CFAP74: variants seen among roughly 807,000 people sequenced by gnomAD.
CFAP74 encodes cilia- and flagella-associated protein 74.
CFAP74 carries 124 observed loss-of-function variants against 188.9 expected under a neutral mutation model. The ratio of observed to expected loss-of-function variants is 0.66; its 90% CI spans 0.57 to 0.76. The LOEUF is 0.76. Ranked by LOEUF, CFAP74 falls within the 30% of genes least tolerant of loss-of-function variation. CFAP74 has a pLI of 0.00. For missense variants in CFAP74, 2,198 were observed against 2,165.2 expected (o/e 1.02, Z -0.30); for synonymous variants, 956 against 916.7 (o/e 1.04, Z -0.77).
chr1:1,971,814 T>A (rs1364796103), intron 9 of CFAP74, among the ~76,000 whole-genome samples, 166 bp downstream of exon 9: 6 of 152,214 alleles, frequency 3.9e-5, no homozygotes. Flanking sequence ...ACGGAACCCG[T>A]GGGCAAATCT....
chr1:1,943,042 G>A (rs1158666780), intron 21 of CFAP74, among the ~76,000 whole-genome samples: 9 of 152,148 alleles, frequency 5.9e-5, no homozygotes, highest in Non-Finnish European at 1.5e-5. Flanking sequence ...CATGGGAGGC[G>A]GGCGCCCGGG....
chr1:1,940,883 C>T lies in CFAP74; in HGVS notation c.2616-480G>A, dbSNP rs191405339. On this transcript the variant is annotated intron_variant, in intron 22 of 38. Transcript: ENST00000682832. ...ATCCCAGCACTTTGGGAGGCTGAGG[C>T]GCGCGGATCACGAGGTCAGGAGATG... 6.0e-4 allele frequency among the ~76,000 whole-genome samples: 91 copies of T among 152,266 alleles called. No individual in the cohort carries two copies. The East Asian group carries it at 0.015, about 25-fold the overall frequency.
At chr1:1,955,280 G>T in intron 18 of CFAP74, 1 of 1,295,112 alleles carries the variant, frequency 7.7e-7, no homozygotes. Flanking sequence ...GAGGCATGGG[G>T]AGGGCAGGGC....
intron 18 of CFAP74, among the ~76,000 whole-genome samples, chr1:1,949,740 T>C (rs151334018): frequency 6.6e-6 from 1 of 152,340 alleles, no homozygotes; most frequent in East Asian, 1.9e-4. Flanking sequence ...AATATTCTTT[T>C]TCTAGAATGT....
intron 25 of CFAP74, among the ~76,000 whole-genome samples, chr1:1,931,095 A>G (rs1652331279): frequency 6.6e-6 from 1 of 152,178 alleles, no homozygotes; most frequent in Non-Finnish European, 1.5e-5. Context: ...TCAAATGCGT[A>G]TTTTTATGTC....
chr1:2,002,548 T>C (rs990092264), intron 1 of CFAP74, among the ~76,000 whole-genome samples: 6 of 150,938 alleles, frequency 4.0e-5, no homozygotes, highest in Admixed American at 2.0e-4. Context: ...AGGCATGCTA[T>C]AATCCCAGCT....
intron 14 of CFAP74, 25 bp downstream of exon 14, chr1:1,963,724 C>T: frequency 1.3e-6 from 2 of 1,506,566 alleles, no homozygotes; most frequent in South Asian, 1.1e-5. Flanking sequence ...CACCGCGTCC[C>T]TCCCTGTCTG....
At position 1,971,349 on chromosome 1, in the gene CFAP74, A is replaced by G. The variant is rs986393325; in HGVS notation, c.889-533T>C. 4.0e-5 allele frequency among the ~76,000 whole-genome samples: 6 copies of G among 151,580 alleles called. 1 individual carries two copies. In the South Asian group the frequency reaches 1.2e-3, roughly 32 times the overall value. On this transcript the variant is annotated intron_variant, in intron 9 of 38. Coordinates refer to ENST00000682832, the MANE Select transcript of CFAP74 (RefSeq NM_001304360.2). ...TGCACACCTGCACACACGTGCACAC[A>G]CATGCACACCTGCACACACACGGTC...
rs767229491 is a variant in CFAP74 at position 1,923,736 on chromosome 1, G to C, written c.4389+39C>G. The C allele has an allele frequency of 6.2e-7, 1 of 1,612,646 alleles. No individual in the cohort carries two copies. The highest frequency in any genetic ancestry group is 1.3e-5 in the African/African-American group (1 of 75,006). On this transcript the variant is annotated intron_variant, in intron 35 of 38. Transcript: ENST00000682832. This position sits in a 1 kb window ranked among gnomAD's most constrained non-coding sequence, Gnocchi z 6.3. ...AAAGGCAAGGCCCTGCGTGGGGCCAGGGCCGGGCCGGGCTGAGCTTGCAGA... is the reference window on the plus strand; with the variant it reads ...AAAGGCAAGGCCCTGCGTGGGGCCACGGCCGGGCCGGGCTGAGCTTGCAGA...
At chr1:1,922,523 G>C in intron 38 of CFAP74, 66 bp downstream of exon 38, 2 of 1,585,684 alleles carry the variant, frequency 1.3e-6, no homozygotes, top group Non-Finnish European at 1.7e-6. Flanking sequence ...GACTGGGCAG[G>C]GGTGTCAGCC....
At chr1:1,982,096 A>C (rs1656923759) in intron 6 of CFAP74, among the ~76,000 whole-genome samples, 1 of 123,442 alleles carries the variant, frequency 8.1e-6, no homozygotes, top group African/African-American at 3.0e-5. Context: ...CACGCAGGAC[A>C]CCCAGCCACG....
Position 1,974,136 on chromosome 1 carries a change from CGGTCAGCTGTCCGGAAGGCCTCG to C in CFAP74, c.540_562del (p.Glu181Ter). 1 of 1,612,684 alleles carries C rather than the reference CGGTCAGCTGTCCGGAAGGCCTCG, an allele frequency of 6.2e-7. No individual in the cohort carries two copies. On this transcript the variant is annotated frameshift_variant, in exon 7 of 39. Transcript: ENST00000682832. LOFTEE classifies it high-confidence loss of function. ...CCGCCCCGTGGCCTCCACCTCCTCA[CGGTCAGCTGTCCGGAAGGCCTCG>C]AGTCGCCCCTCCTGGATCTCGATGT...
intron 1 of CFAP74, among the ~76,000 whole-genome samples, chr1:1,993,891 A>G (rs907308490): frequency 6.6e-6 from 1 of 151,202 alleles, no homozygotes; most frequent in South Asian, 2.1e-4. Flanking sequence ...CTGAGGCAGG[A>G]GAATGGCGTG....
chr1:1,938,909 G>A lies in CFAP74; in HGVS notation c.2957C>T (p.Pro986Leu). 6.5e-7 allele frequency: 1 copy of A among 1,536,196 alleles called. No homozygotes were observed. The highest frequency in any genetic ancestry group is 8.7e-7 in the Non-Finnish European group (1 of 1,146,914). ...ETLQFCVIFQPTKAEEHRFQL... is the reference protein window; with the variant it reads ...ETLQFCVIFQLTKAEEHRFQL... ...GAATCTGTGTTCCTCGGCCTTGGTG[G>A]GCTGGAAGATCACACAGAACTGCAG... The change falls in exon 25 of 39, where the codon CCC becomes CTC. Residue 986 changes from proline (P) to leucine (L), a missense_variant. Pro to Leu is a moderately conservative substitution (Grantham distance 98). Transcript: ENST00000682832.
chr1:1,986,009 G>C (rs936823861), intron 5 of CFAP74, among the ~76,000 whole-genome samples: 9 of 152,248 alleles, frequency 5.9e-5, no homozygotes, highest in Non-Finnish European at 8.8e-5. Context: ...GTGGACACGG[G>C]TGGTGGGCTT....
chr1:1,977,731 G>A (rs1656541635), intron 6 of CFAP74, among the ~76,000 whole-genome samples: 1 of 152,140 alleles, frequency 6.6e-6, no homozygotes. Context: ...CACAAACTCA[G>A]CTGATCGAGG....
chr1:1,949,448 C>T (rs2102055206), intron 18 of CFAP74, among the ~76,000 whole-genome samples: 1 of 152,216 alleles, frequency 6.6e-6, no homozygotes, highest in East Asian at 1.9e-4. Context: ...AGCCACTGTG[C>T]CCGGCCAACC....
At chr1:1,976,636 G>A (rs546856206) in intron 6 of CFAP74, among the ~76,000 whole-genome samples, 4 of 152,280 alleles carry the variant, frequency 2.6e-5, no homozygotes, top group East Asian at 3.9e-4. Flanking sequence ...TCCACCTCCC[G>A]GGTTCAAGCA....
chr1:1,941,364 G>A (rs1165188060), intron 22 of CFAP74, among the ~76,000 whole-genome samples: 1 of 152,236 alleles, frequency 6.6e-6, no homozygotes, highest in Non-Finnish European at 1.5e-5. Context: ...GCTCTGGGGG[G>A]CTGGGATCGG....
Sources: gnomAD v4.1 joint callset for allele counts (sites outside exome capture counted in the v4.1 genomes callset) on GRCh38, gnomAD v4.1.1 for gene constraint, Gnocchi (gnomAD v3.1) non-coding constraint, MANE v1.5 for transcripts, NCBI Gene and HGNC (gene_info 2026-07-23, HGNC 2026-07-21) for gene names.